GSE1: variants seen among roughly 807,000 people sequenced by gnomAD.
GSE1 encodes the protein genetic suppressor element 1.
In GSE1, 32 loss-of-function variants were observed where a neutral mutation model predicts 112.6. The ratio of observed to expected loss-of-function variants is 0.28; its 90% confidence interval spans 0.21 to 0.38. The LOEUF (loss-of-function observed/expected upper bound fraction) is 0.38, where lower values mean the gene tolerates loss of function less well. Among genes scored for constraint, GSE1 ranks in the 10% least tolerant of loss-of-function variants. GSE1 has a pLI of 1.00. For missense variants in GSE1, 2,348 were observed against 1,699.2 expected (o/e 1.38, Z -6.71); for synonymous variants, 1,115 against 735.6 (o/e 1.52, Z -8.35).
At chr16:85,192,056 G>T (rs2074834551) in intron 1 of GSE1, among the ~76,000 whole-genome samples, 1 of 152,228 alleles carries the variant, frequency 6.6e-6, no homozygotes, top group African/African-American at 2.4e-5. Context: ...TAATGAAAAT[G>T]ACCTAAGTTC....
chr16:85,604,620 T>C (rs2047603453), intron 1 of GSE1, among the ~76,000 whole-genome samples: 1 of 147,456 alleles, frequency 6.8e-6, no homozygotes, highest in African/African-American at 2.5e-5. Flanking sequence ...ATGGGCTGAT[T>C]TGATAATTTT....
At chr16:85,586,831 T>A (rs1222597682) in intron 1 of GSE1, among the ~76,000 whole-genome samples, 1 of 152,030 alleles carries the variant, frequency 6.6e-6, no homozygotes, top group African/African-American at 2.4e-5. Context: ...CCCTCCCTAC[T>A]CCCCCAGCTC....
At chr16:85,552,970 G>T (rs779116051), upstream of GSE1, among the ~76,000 whole-genome samples, 4 of 152,210 alleles carry the variant, frequency 2.6e-5, no homozygotes, top group Non-Finnish European at 5.9e-5. Context: ...ACTGTTGTTC[G>T]TGTAATCCCG....
chr16:85,371,207 AG>A (rs944462274), intron 2 of GSE1, among the ~76,000 whole-genome samples: 8 of 152,182 alleles, frequency 5.3e-5, no homozygotes, highest in African/African-American at 1.9e-4. Context: ...AGGCCAGGGC[AG>A]GGGGGCCAGG....
In GSE1 at chr16:85,373,740, A is replaced by G. The variant is rs1420827304; in HGVS notation, c.2464+16097A>G. Among the ~76,000 whole-genome samples the G allele has an allele frequency of 7.2e-5, 11 of 152,072 alleles. No homozygotes were observed. Among genetic ancestry groups the G allele is most frequent in the Admixed American group, 5.2e-4 (8 of 15,274 alleles). On this transcript the variant is annotated intron_variant, in intron 2 of 2. Transcript: ENST00000637419. This position sits in a 1 kb window ranked among gnomAD's most constrained non-coding sequence, Gnocchi z 5.1. ...GGTGGAGGGACGAAAGGGCGAATGA[A>G]TGAGCGCTGGCCGCCTTCTCCCGGC...
chr16:85,266,368 T>A (rs565075996), intron 1 of GSE1, among the ~76,000 whole-genome samples: 1 of 152,292 alleles, frequency 6.6e-6, no homozygotes, highest in African/African-American at 2.4e-5. Context: ...AATTGGAGAT[T>A]GCCAATGGCA....
intron 2 of GSE1, among the ~76,000 whole-genome samples, chr16:85,641,423 G>A (rs1045735104): frequency 2.0e-5 from 3 of 150,398 alleles, no homozygotes; most frequent in African/African-American, 7.4e-5. Flanking sequence ...ACTGGCTGAC[G>A]CCCCCCCCCG....
chr16:85,420,104 G>A (rs929291833), intron 2 of GSE1, among the ~76,000 whole-genome samples: 5 of 99,224 alleles, frequency 5.0e-5, no homozygotes, highest in Admixed American at 1.2e-4. Context: ...GTGTGCTCAG[G>A]CCAGACGGGT....
At chr16:85,362,665 A>G (rs67624779) in intron 2 of GSE1, among the ~76,000 whole-genome samples, 38,679 of 152,082 alleles carry the variant, frequency 0.25, 5,520 homozygotes, top group Middle Eastern at 0.35. Context: ...TGCACACTGC[A>G]CAACTCCCGG....
chr16:85,379,251 A>G (rs1218063271), intron 2 of GSE1, among the ~76,000 whole-genome samples: 5 of 152,260 alleles, frequency 3.3e-5, no homozygotes, highest in South Asian at 2.1e-4. Flanking sequence ...TGTTGCACCA[A>G]TCAACTCCAA....
At chr16:85,278,644 A>C (rs1388302181) in intron 1 of GSE1, among the ~76,000 whole-genome samples, 1 of 152,232 alleles carries the variant, frequency 6.6e-6, no homozygotes, top group Non-Finnish European at 1.5e-5. Context: ...AGTGTCTTGA[A>C]TTATCAGTAA....
intron 1 of GSE1, among the ~76,000 whole-genome samples, chr16:85,205,719 C>G (rs1484502954): frequency 6.6e-6 from 1 of 152,176 alleles, no homozygotes; most frequent in Non-Finnish European, 1.5e-5. Flanking sequence ...GAGTGGGTGT[C>G]CCATGGGCCT....
chr16:85,442,129 CT>C lies in GSE1; in HGVS notation c.2464+84487del, dbSNP rs1197510068. 5.3e-5 allele frequency among the ~76,000 whole-genome samples: 8 copies of C among 152,350 alleles called. No individual in the cohort carries two copies. In the South Asian group the frequency reaches 1.4e-3, roughly 28 times the overall value. The stretch of plus-strand genomic sequence containing the variant: ...TGTTGTGGATGGCCTGGAGATCCTT[CT>C]GCCAAATATTCCCAGAACTTAGTCC... On this transcript the variant is annotated intron_variant, in intron 2 of 2. Transcript: ENST00000637419.
chr16:85,253,620 G>A (rs1318363048), intron 1 of GSE1, among the ~76,000 whole-genome samples: 1 of 152,212 alleles, frequency 6.6e-6, no homozygotes, highest in Non-Finnish European at 1.5e-5. Context: ...GATGCCACTG[G>A]TCGGAGCTCC....
chr16:85,177,074 T>G (rs1258937497), intron 1 of GSE1, among the ~76,000 whole-genome samples: 1 of 152,214 alleles, frequency 6.6e-6, no homozygotes, highest in Non-Finnish European at 1.5e-5. Context: ...GAGTGAGCTT[T>G]CCAGCTGTGC....
At chr16:85,200,759 T>G (rs961559282) in intron 1 of GSE1, among the ~76,000 whole-genome samples, 7 of 152,226 alleles carry the variant, frequency 4.6e-5, no homozygotes, top group African/African-American at 1.7e-4. Context: ...AAATGGACTA[T>G]TTCAGCTATT....
intron 2 of GSE1, among the ~76,000 whole-genome samples, chr16:85,367,616 C>T (rs565437129): frequency 6.6e-6 from 1 of 152,260 alleles, no homozygotes; most frequent in East Asian, 1.9e-4. Context: ...AGTTCCAGAC[C>T]AAGCGAAGAG....
chr16:85,284,309 C>T (rs1168513967), intron 1 of GSE1, among the ~76,000 whole-genome samples: 7 of 152,190 alleles, frequency 4.6e-5, no homozygotes, highest in Non-Finnish European at 1.5e-5. Flanking sequence ...AGGGAGAAGG[C>T]GGGAGAGGGC....
intron 2 of GSE1, among the ~76,000 whole-genome samples, chr16:85,455,693 G>T (rs776731460): frequency 6.6e-6 from 1 of 152,234 alleles, no homozygotes; most frequent in Non-Finnish European, 1.5e-5. Flanking sequence ...TGCCTCCCCC[G>T]CACGAGACTT....
Sources: gnomAD v4.1 joint callset for allele counts (sites outside exome capture counted in the v4.1 genomes callset) on GRCh38, gnomAD v4.1.1 for gene constraint, Gnocchi (gnomAD v3.1) non-coding constraint, MANE v1.5 for transcripts, NCBI Gene and HGNC (gene_info 2026-07-23, HGNC 2026-07-21) for gene names.